The following MAL2 variants were observed in gnomAD, a reference collection of about 807,000 sequenced individuals.
MAL2 encodes the protein mal, T cell differentiation protein 2, also known as protein MAL2.
In MAL2, 17 loss-of-function variants were observed where a neutral mutation model predicts 18.1. The observed-to-expected ratio is 0.94, with a 90% CI of 0.64 to 1.41. The LOEUF is 1.41. Ranked by LOEUF, MAL2 falls within the 40% of genes most tolerant of loss-of-function variation. The probability of loss-of-function intolerance (pLI) is 0.00; values close to 1 mark genes in which losing one functional copy is unlikely to be tolerated. For missense variants in MAL2, 222 were observed against 231.9 expected (o/e 0.96, Z 0.28); for synonymous variants, 102 against 102.3 (o/e 1.00, Z 0.02).
At chr8:119,239,125 G>A (rs527328778) in intron 2 of MAL2, among the ~76,000 whole-genome samples, 2 of 152,172 alleles carry the variant, frequency 1.3e-5, no homozygotes, top group African/African-American at 2.4e-5. Flanking sequence ...GATATGAACA[G>A]ACACTTCTCA....
At position 119,244,706 on chromosome 8, in the gene MAL2, T is replaced by G. The variant is rs1211610525; in HGVS notation, c.*1218T>G. The G allele has an allele frequency of 6.6e-6, 1 of 152,186 alleles. No individual in the cohort carries two copies. Among genetic ancestry groups the G allele is most frequent in the Non-Finnish European group, 1.5e-5 (1 of 68,016 alleles). The allele number at this position is 152,186 out of a possible 1,614,324, so 9.4% of individuals were successfully genotyped here. On this transcript the variant is annotated 3_prime_UTR_variant, in exon 4 of 4. Transcript: ENST00000614891. Reference sequence around the variant, plus strand: ...ATGTGTTTTTGTATTAGCCCAGACATCTGTAATGTTTTTGCACTGGTGACA... The same window carrying G: ...ATGTGTTTTTGTATTAGCCCAGACAGCTGTAATGTTTTTGCACTGGTGACA...
intron 2 of MAL2, among the ~76,000 whole-genome samples, chr8:119,222,283 C>CACTT (rs1337635360): frequency 6.6e-6 from 1 of 151,966 alleles, no homozygotes; most frequent in East Asian, 1.9e-4. Context: ...GTAATCCCAG[C>CACTT]ACTTTGGGAG....
rs377211819 is a variant in MAL2 at position 119,243,472 on chromosome 8, G to A, written c.515G>A (p.Arg172Gln). 1.0e-4 allele frequency: 160 copies of A among 1,599,810 alleles called. No homozygotes were observed. Among genetic ancestry groups the A allele is most frequent in the Non-Finnish European group, 1.3e-4 (155 of 1,172,354 alleles). The change falls in exon 4 of 4, where the codon CGA (arginine) becomes CAA (glutamine). Residue 172 changes from arginine (R) to glutamine (Q), a missense_variant. Physicochemically the swap from Arg to Gln is conservative, Grantham distance 43 (BLOSUM62 1). Transcript: ENST00000614891. ...CYGCSLGLAL[R>Q]RWRP is the part of the protein sequence containing the mutation. Reference sequence around the variant, plus strand: ...GGTTGCAGTTTGGGTCTGGCTTTACGAAGATGGCGACCGTAACACTCCTTA... The same window carrying A: ...GGTTGCAGTTTGGGTCTGGCTTTACAAAGATGGCGACCGTAACACTCCTTA...
intron 2 of MAL2, among the ~76,000 whole-genome samples, chr8:119,235,122 A>T (rs996262502): frequency 6.6e-6 from 1 of 152,208 alleles, no homozygotes; most frequent in African/African-American, 2.4e-5. Flanking sequence ...AAAGGAGCTG[A>T]TGGAGCTGAA....
Position 119,208,508 on chromosome 8 carries a change from G to T in MAL2, c.36G>T (p.Pro12=). ...GCGGAGCGTCAGTCCCGCCGCCCCC[G>T]AACCCCGCCGTGTCCTTCCCGCCGC... ...SAGGASVPPP[P]NPAVSFPPPR... Residue 12 remains proline, a synonymous_variant, in exon 1 of 4, where the codon CCG becomes CCT. Transcript: ENST00000614891. This position sits in a 1 kb window ranked among gnomAD's most constrained non-coding sequence, Gnocchi z 4.3. 1 of 1,334,542 alleles carries T rather than the reference G, an allele frequency of 7.5e-7. No individual in the cohort carries two copies. The highest frequency in any genetic ancestry group is 3.1e-5 in the East Asian group (1 of 32,318). The allele number at this position is 1,334,542 out of a possible 1,614,324, so 82.7% of individuals were successfully genotyped here.
rs1220552115 is a variant in MAL2, at chr8:119,244,415, C to T, written c.*927C>T. On this transcript the variant is annotated 3_prime_UTR_variant, in exon 4 of 4. Transcript: ENST00000614891. Reference sequence around the variant, plus strand: ...TAGTCTAACAACTGAGCAAGATCCTCATCTGAGAGTGCTTAAAATGGGATC... The same window carrying T: ...TAGTCTAACAACTGAGCAAGATCCTTATCTGAGAGTGCTTAAAATGGGATC... 1 of 152,160 alleles carries T rather than the reference C, an allele frequency of 6.6e-6. No individual in the cohort carries two copies. Among genetic ancestry groups the T allele is most frequent in the Admixed American group, 6.5e-5 (1 of 15,268 alleles). 9.4% of individuals were successfully genotyped at this position (152,160 alleles called of 1,614,324 possible).
chr8:119,227,366 A>G (rs1169097909), intron 2 of MAL2, among the ~76,000 whole-genome samples: 1 of 151,662 alleles, frequency 6.6e-6, no homozygotes, highest in East Asian at 1.9e-4. Context: ...AAAAGAAAAT[A>G]AAAGAGGAAG....
chr8:119,218,726 G>A (rs1223789342), intron 1 of MAL2, among the ~76,000 whole-genome samples: 1 of 152,128 alleles, frequency 6.6e-6, no homozygotes, highest in Non-Finnish European at 1.5e-5. Context: ...ATGCTGTGTT[G>A]AATTCCAAAG....
At chr8:119,225,164 C>A (rs1469166924) in intron 2 of MAL2, among the ~76,000 whole-genome samples, 2 of 152,134 alleles carry the variant, frequency 1.3e-5, no homozygotes, top group Non-Finnish European at 2.9e-5. Context: ...TACATGTGCA[C>A]AACGTGCAGG....
intron 2 of MAL2, among the ~76,000 whole-genome samples, chr8:119,239,334 A>C (rs898277893): frequency 9.9e-5 from 15 of 151,872 alleles, no homozygotes; most frequent in African/African-American, 3.4e-4. Flanking sequence ...GTGGGACTGT[A>C]AACTAGTTCA....
At chr8:119,211,884 C>T (rs780833727) in intron 1 of MAL2, among the ~76,000 whole-genome samples, 7 of 152,038 alleles carry the variant, frequency 4.6e-5, no homozygotes, top group African/African-American at 7.2e-5. Context: ...CTTCAAAATT[C>T]GCACTTTCAA....
At position 119,208,731 on chromosome 8, in the gene MAL2, C is replaced by T; in HGVS notation, c.132+127C>T. 2 of 1,205,664 alleles carry T rather than the reference C, an allele frequency of 1.7e-6. No individual in the cohort carries two copies. Among genetic ancestry groups the T allele is most frequent in the Non-Finnish European group, 2.1e-6 (2 of 969,032 alleles). 74.7% of individuals were successfully genotyped at this position (1,205,664 alleles called of 1,614,324 possible). A position where few individuals can be genotyped will look rare whatever the true frequency, so the allele number is the denominator to read the frequency against. ...TTCCCTTCGACGTGGCTTTGTCCTG[C>T]GCTCCCTCCCGGGGTCCTCTCGGTG... On this transcript the variant is annotated intron_variant, in intron 1 of 3. Transcript: ENST00000614891. The surrounding 1 kb of genome is among the most constrained non-coding windows in gnomAD (Gnocchi z 4.3).
chr8:119,242,162 G>A (rs575577619), intron 3 of MAL2, among the ~76,000 whole-genome samples: 63 of 152,144 alleles, frequency 4.1e-4, no homozygotes, highest in Middle Eastern at 3.2e-3. Flanking sequence ...TCTATTGACA[G>A]TCACCCTAGA....
chr8:119,214,891 A>C (rs977159869), intron 1 of MAL2, among the ~76,000 whole-genome samples: 5 of 152,204 alleles, frequency 3.3e-5, no homozygotes, highest in Admixed American at 2.0e-4. Flanking sequence ...AACTAACTAA[A>C]TAAATAAACA....
In MAL2 at chr8:119,221,728, G is replaced by A. The variant is rs2303398; in HGVS notation, c.274G>A (p.Ala92Thr). The change falls in exon 2 of 4, where the codon GCT becomes ACT. Residue 92 changes from alanine to threonine, a missense_variant. Ala to Thr is a moderately conservative substitution (Grantham distance 58). Transcript: ENST00000614891. ...GGGCATGTTCCTCTCTGGCATGGTG[G>A]CTCAAATTGATGCTAACTGGAACTT... is the stretch of plus-strand genomic sequence containing the variant. The part of the protein sequence containing the change: ...FLGMFLSGMV[A>T]QIDANWNFLD... The A allele has an allele frequency of 0.023, 37,483 of 1,613,622 alleles. 4,054 individuals carry two copies. The African/African-American group carries it at 0.3, about 13-fold the overall frequency.
At chr8:119,226,521 C>T (rs1361524654) in intron 2 of MAL2, among the ~76,000 whole-genome samples, 3 of 150,462 alleles carry the variant, frequency 2.0e-5, no homozygotes, top group Admixed American at 6.6e-5. Flanking sequence ...GGGGTGGAAG[C>T]TATGCCTGAG....
chr8:119,235,067 T>A (rs927192273), intron 2 of MAL2, among the ~76,000 whole-genome samples: 59 of 151,080 alleles, frequency 3.9e-4, no homozygotes, highest in African/African-American at 1.3e-3. Context: ...TTGAAAAAAA[T>A]TTAGAAGAAT....
chr8:119,222,527 A>G (rs1034618504), intron 2 of MAL2, among the ~76,000 whole-genome samples: 7 of 151,840 alleles, frequency 4.6e-5, no homozygotes, highest in African/African-American at 7.3e-5. Flanking sequence ...TCTCAAAAAA[A>G]AAAAAAAAAA....
At chr8:119,227,279 C>T (rs1204854385) in intron 2 of MAL2, among the ~76,000 whole-genome samples, 2 of 152,136 alleles carry the variant, frequency 1.3e-5, no homozygotes, top group South Asian at 2.1e-4. Flanking sequence ...TTGAGAAGTA[C>T]AAGAGTTTTG....
Sources: gnomAD v4.1 joint callset for allele counts (sites outside exome capture counted in the v4.1 genomes callset) on GRCh38, gnomAD v4.1.1 for gene constraint, Gnocchi (gnomAD v3.1) non-coding constraint, MANE v1.5 for transcripts, NCBI Gene and HGNC (gene_info 2026-07-23, HGNC 2026-07-21) for gene names.